The following PDE4D variants were observed in gnomAD, a reference collection of about 807,000 sequenced individuals.
The protein encoded by PDE4D is 3',5'-cyclic-AMP phosphodiesterase 4D.
PDE4D carries 24 observed loss-of-function variants against 87.4 expected under a neutral mutation model. The observed-to-expected ratio is 0.27, with a 90% CI of 0.20 to 0.39. The LOEUF is 0.39. Among genes scored for constraint, PDE4D ranks in the 10% least tolerant of loss-of-function variants. The pLI is 1.00. For missense variants in PDE4D, 714 were observed against 1,041.0 expected, an observed-to-expected ratio of 0.69 and a Z score of 4.32; for synonymous variants, 384 against 383.2, an observed-to-expected ratio of 1.00 and a Z score of -0.02.
chr5:59,261,425 G>C (rs1761990664), intron 1 of PDE4D, among the ~76,000 whole-genome samples: 1 of 151,804 alleles, frequency 6.6e-6, no homozygotes. Context: ...AAACAAGCTA[G>C]TAGCAGTTAT....
intron 2 of PDE4D, among the ~76,000 whole-genome samples, chr5:59,999,760 T>C (rs190023297): frequency 1.2e-4 from 18 of 151,922 alleles, no homozygotes; most frequent in Admixed American, 3.9e-4. Flanking sequence ...GAAATAAAAA[T>C]TTATGTTACT....
At position 59,718,756 on chromosome 5, in the gene PDE4D, G is replaced by C. The variant is rs183651969; in HGVS notation, c.455+174412C>G. ...TGAAGAATGATTTTATACAATGAAAGAAACAAGTCATTGTTTTCTTCATCC... is the reference window on the plus strand; with the variant it reads ...TGAAGAATGATTTTATACAATGAAACAAACAAGTCATTGTTTTCTTCATCC... On this transcript the variant is annotated intron_variant, in intron 1 of 14. Transcript: ENST00000340635. Among the ~76,000 whole-genome samples, 17 of 152,206 alleles carry C rather than the reference G, an allele frequency of 1.1e-4. No homozygotes were observed. The East Asian group carries it at 1.2e-3, about 10-fold the overall frequency.
chr5:59,188,082 T>C (rs1743336997), intron 3 of PDE4D, among the ~76,000 whole-genome samples: 1 of 152,092 alleles, frequency 6.6e-6, no homozygotes, highest in African/African-American at 2.4e-5. Flanking sequence ...TAAAGTTCCA[T>C]TGTTCTTTGC....
At chr5:59,366,889 A>G (rs556572602) in intron 1 of PDE4D, among the ~76,000 whole-genome samples, 1 of 152,350 alleles carries the variant, frequency 6.6e-6, no homozygotes, top group East Asian at 1.9e-4. Flanking sequence ...GTCAGATGAC[A>G]TTACAAGAGT....
intron 1 of PDE4D, among the ~76,000 whole-genome samples, chr5:60,380,902 C>T (rs1761811417): frequency 6.6e-6 from 1 of 152,170 alleles, no homozygotes; most frequent in Admixed American, 6.5e-5. Flanking sequence ...ACAGTATGTG[C>T]TCTGAATTTT....
At chr5:59,882,565 A>G (rs1749577777) in intron 1 of PDE4D, among the ~76,000 whole-genome samples, 2 of 152,120 alleles carry the variant, frequency 1.3e-5, no homozygotes, top group Admixed American at 1.3e-4. Context: ...TAAAACATCA[A>G]CCTCATTTTT....
intron 2 of PDE4D, among the ~76,000 whole-genome samples, chr5:60,116,144 T>C (rs1381314636): frequency 6.6e-6 from 1 of 152,050 alleles, no homozygotes; most frequent in Admixed American, 6.6e-5. Context: ...CTGGTTGTCA[T>C]AATTCAAGTC....
At chr5:59,760,071 T>C (rs933934269) in intron 1 of PDE4D, among the ~76,000 whole-genome samples, 2 of 152,204 alleles carry the variant, frequency 1.3e-5, no homozygotes, top group Non-Finnish European at 2.9e-5. Flanking sequence ...GCTGTATTTC[T>C]CTTTTATAGG....
At chr5:60,314,155 T>C (rs985720015) in intron 1 of PDE4D, among the ~76,000 whole-genome samples, 1 of 151,742 alleles carries the variant, frequency 6.6e-6, no homozygotes, top group Non-Finnish European at 1.5e-5. Flanking sequence ...AAACTATCTG[T>C]ATGCAGACAG....
intron 1 of PDE4D, among the ~76,000 whole-genome samples, chr5:59,794,334 G>A (rs1386476888): frequency 6.6e-6 from 1 of 152,210 alleles, no homozygotes; most frequent in African/African-American, 2.4e-5. Context: ...TTTGTAGGTA[G>A]AAATGTGCAT....
chr5:59,200,869 A>T (rs1486778058), intron 2 of PDE4D, among the ~76,000 whole-genome samples: 1 of 152,046 alleles, frequency 6.6e-6, no homozygotes, highest in African/African-American at 2.4e-5. Flanking sequence ...CATGTATGCA[A>T]TATAGTATGT....
intron 2 of PDE4D, among the ~76,000 whole-genome samples, chr5:60,141,876 CT>C (rs1780565281): frequency 6.6e-6 from 1 of 152,094 alleles, no homozygotes; most frequent in Non-Finnish European, 1.5e-5. Flanking sequence ...CTTAACCTGA[CT>C]CTTGATTTCT....
At chr5:60,126,775 G>A (rs74640649) in intron 2 of PDE4D, among the ~76,000 whole-genome samples, 10 of 152,260 alleles carry the variant, frequency 6.6e-5, no homozygotes, top group African/African-American at 1.9e-4. Context: ...ATTAAAAAAC[G>A]AGGAGCTGCC....
At chr5:58,999,966 TC>T in intron 6 of PDE4D, 2 of 956,956 alleles carry the variant, frequency 2.1e-6, no homozygotes, top group Non-Finnish European at 2.5e-6. Flanking sequence ...AAGAAGCCCC[TC>T]CCATAAAACC....
chr5:59,267,318 G>C (rs1029272753), intron 1 of PDE4D, among the ~76,000 whole-genome samples: 2 of 152,164 alleles, frequency 1.3e-5, no homozygotes, highest in African/African-American at 4.8e-5. Flanking sequence ...GCAATGGAAT[G>C]ACATCCTGAA....
chr5:60,261,651 T>TA (rs1326925677), intron 1 of PDE4D, among the ~76,000 whole-genome samples: 31 of 152,122 alleles, frequency 2.0e-4, no homozygotes, highest in Non-Finnish European at 1.5e-5. Flanking sequence ...GTTTAGCACT[T>TA]ACAACCTAAA....
At chr5:59,971,379 T>G (rs899506331) in intron 3 of PDE4D, among the ~76,000 whole-genome samples, 8 of 148,594 alleles carry the variant, frequency 5.4e-5, no homozygotes, top group African/African-American at 2.0e-4. Context: ...AATAAATAAA[T>G]AAAAAAGAGA....
At chr5:60,446,733 G>T (rs1350106175) in intron 1 of PDE4D, among the ~76,000 whole-genome samples, 1 of 152,088 alleles carries the variant, frequency 6.6e-6, no homozygotes, top group East Asian at 1.9e-4. Context: ...CAGATGGAGA[G>T]CTAAGTTTCT....
chr5:60,347,075 T>C (rs1758801722), intron 1 of PDE4D, among the ~76,000 whole-genome samples: 1 of 152,084 alleles, frequency 6.6e-6, no homozygotes, highest in African/African-American at 2.4e-5. Flanking sequence ...GGCAGACAAT[T>C]AAACAGGGTG....
Sources: gnomAD v4.1 joint callset for allele counts (sites outside exome capture counted in the v4.1 genomes callset) on GRCh38, gnomAD v4.1.1 for gene constraint, MANE v1.5 for transcripts, NCBI Gene and HGNC (gene_info 2026-07-23, HGNC 2026-07-21) for gene names.